Variants in MYO10 observed in about 807,000 individuals in gnomAD.
MYO10 encodes the protein unconventional myosin-X.
MYO10 carries 133 observed loss-of-function variants against 257.3 expected under a neutral mutation model. The ratio of observed to expected loss-of-function variants is 0.52; its 90% CI spans 0.45 to 0.60. MYO10 has a LOEUF of 0.60. MYO10 is among the 20% of genes least tolerant of loss of function. MYO10 has a pLI of 0.00. For missense variants in MYO10, 2,399 were observed against 2,635.7 expected, an observed-to-expected ratio of 0.91 and a Z score of 1.97; for synonymous variants, 1,104 against 1,028.6, an observed-to-expected ratio of 1.07 and a Z score of -1.40.
Position 16,762,115 on chromosome 5 carries a change from T to TAAAAAAAA in MYO10, c.1588-10_1588-3dup, listed in dbSNP as rs746751894. On this transcript the variant is annotated splice_polypyrimidine_tract_variant and splice_region_variant and intron_variant, in intron 15 of 40. Transcript: ENST00000513610. The stretch of plus-strand genomic sequence containing the variant: ...GGGCTTCACATAAAAGTGGTTATTC[T>TAAAAAAAA]AAAAAAAAAAAAAAAAAAAAAAAAA... 130 of 567,552 alleles carry TAAAAAAAA rather than the reference T, an allele frequency of 2.3e-4. 1 individual carries two copies. The African/African-American group carries it at 2.4e-3, about 11-fold the overall frequency. 35.2% of individuals were successfully genotyped at this position (567,552 alleles called of 1,614,324 possible). A position where few individuals can be genotyped will look rare whatever the true frequency, so the allele number is the denominator to read the frequency against.
intron 19 of MYO10, among the ~76,000 whole-genome samples, chr5:16,735,720 G>T (rs1319859329): frequency 6.7e-6 from 1 of 150,028 alleles, no homozygotes; most frequent in African/African-American, 2.4e-5. Flanking sequence ...CCCAGAAAAT[G>T]CTATTATGAC....
chr5:16,763,640 T>G lies in MYO10; in HGVS notation c.1427+15A>C. 1 of 1,590,574 alleles carries G rather than the reference T, an allele frequency of 6.3e-7. No homozygotes were observed. Among genetic ancestry groups the G allele is most frequent in the South Asian group, 1.1e-5 (1 of 90,216 alleles). ...TTAAAAAAAAAAATTGAAATGGAAT[T>G]CTATGAGTGCTTACCGGCTATATTC... On this transcript the variant is annotated intron_variant, in intron 13 of 40. Coordinates refer to ENST00000513610, the MANE Select transcript of MYO10 (RefSeq NM_012334.3).
chr5:16,682,921 G>T (rs1004132613), intron 30 of MYO10, among the ~76,000 whole-genome samples: 1 of 152,184 alleles, frequency 6.6e-6, no homozygotes, highest in Non-Finnish European at 1.5e-5. Context: ...CAGCCTGGAG[G>T]AGTGAAGGGC....
In MYO10 at chr5:16,707,885, C is replaced by G. The variant is rs560760633; in HGVS notation, c.2169+3023G>C. ...TTTGGATAAGTCAGCCAGTTCAGAC[C>G]TGGAGCCATGTCTAATTCGCTGCCT... On this transcript the variant is annotated intron_variant, in intron 21 of 40. Coordinates refer to ENST00000513610, the MANE Select transcript of MYO10 (RefSeq NM_012334.3). Among the ~76,000 whole-genome samples the G allele has an allele frequency of 9.8e-5, 15 of 152,326 alleles. No homozygotes were observed. The East Asian group carries it at 2.9e-3, about 29-fold the overall frequency.
chr5:16,769,480 G>A (rs112145510), intron 9 of MYO10, among the ~76,000 whole-genome samples: 2,980 of 152,260 alleles, frequency 0.02, 51 homozygotes, highest in Non-Finnish European at 0.03. Context: ...GATTACAGGT[G>A]TGTGCCACCA....
chr5:16,832,969 C>G (rs1743202784), intron 2 of MYO10, among the ~76,000 whole-genome samples: 1 of 152,078 alleles, frequency 6.6e-6, no homozygotes, highest in South Asian at 2.1e-4. Flanking sequence ...CAGATAATAA[C>G]ACAATCTAGA....
intron 19 of MYO10, among the ~76,000 whole-genome samples, chr5:16,741,290 GA>G (rs1740009511): frequency 2.6e-5 from 4 of 152,290 alleles, no homozygotes; most frequent in Admixed American, 6.5e-5. Context: ...ATATTCAACA[GA>G]TGACCATTCA....
At chr5:16,761,907 C>T in intron 16 of MYO10, 138 bp downstream of exon 16, 1 of 861,082 alleles carries the variant, frequency 1.2e-6, no homozygotes, top group Non-Finnish European at 1.7e-6. Context: ...CCTGCCTCAG[C>T]CTCCCAAAGT....
chr5:16,788,308 C>T lies in MYO10; in HGVS notation c.468-4839G>A, dbSNP rs929326491. ...AGGCATCAGGGATGACTCCTGGGGC[C>T]CCTGAGTGTTTGCTGGCGTGATGAT... On this transcript the variant is annotated intron_variant, in intron 4 of 40. Transcript: ENST00000513610. 2.6e-5 allele frequency among the ~76,000 whole-genome samples: 4 copies of T among 152,090 alleles called. No homozygotes were observed. The East Asian group carries it at 7.7e-4, about 29-fold the overall frequency.
intron 19 of MYO10, among the ~76,000 whole-genome samples, chr5:16,735,698 A>AAC (rs1554040859): frequency 5.1e-4 from 77 of 150,138 alleles, no homozygotes; most frequent in East Asian, 1.6e-3. Flanking sequence ...AAAAAAAAAA[A>AAC]AAAAACCCAA....
intron 33 of MYO10, 126 bp from the exon 34 acceptor site, chr5:16,676,280 G>C: frequency 8.8e-7 from 1 of 1,136,478 alleles, no homozygotes; most frequent in Non-Finnish European, 1.2e-6. Flanking sequence ...GTGTTAGGTG[G>C]TTTCATGGAC....
Position 16,748,487 on chromosome 5 carries a change from C to T in MYO10, c.1929+6341G>A, listed in dbSNP as rs367850825. Among the ~76,000 whole-genome samples the T allele has an allele frequency of 6.6e-5, 10 of 150,544 alleles. No individual in the cohort carries two copies. The South Asian group carries it at 8.5e-4, about 13-fold the overall frequency. On this transcript the variant is annotated intron_variant, in intron 19 of 40. Coordinates refer to ENST00000513610, the MANE Select transcript of MYO10 (RefSeq NM_012334.3). Reference sequence around the variant, plus strand: ...CTCGAACTCCTGGCCTCAAGTGATCCGCGCCCCCCCGCCCCCCATCAGCCT... The same window carrying T: ...CTCGAACTCCTGGCCTCAAGTGATCTGCGCCCCCCCGCCCCCCATCAGCCT...
intron 9 of MYO10, among the ~76,000 whole-genome samples, chr5:16,777,839 C>CCTTTTTTTTTTTTTTTTTTTTTTT (rs1560979466): frequency 5.7e-5 from 5 of 88,482 alleles, no homozygotes; most frequent in African/African-American, 2.1e-4. Context: ...TTGCATCTAA[C>CCTTTTTTTTTTTTTTTTTTTTTTT]TTTTTTTTTT....
At chr5:16,760,588 A>C (rs747146762) in intron 17 of MYO10, among the ~76,000 whole-genome samples, 8 of 152,146 alleles carry the variant, frequency 5.3e-5, no homozygotes, top group Non-Finnish European at 7.3e-5. Context: ...TTTATAATTC[A>C]TGAACGAATA....
intron 2 of MYO10, among the ~76,000 whole-genome samples, chr5:16,846,531 A>G (rs1167812104): frequency 6.6e-6 from 1 of 152,204 alleles, no homozygotes; most frequent in East Asian, 1.9e-4. Context: ...TTCAAAGGCT[A>G]TATTATCTTG....
rs753295751 is a variant in MYO10 at position 16,701,121 on chromosome 5, C to T, written c.3274G>A (p.Asp1092Asn). The T allele has an allele frequency of 3.3e-5, 53 of 1,593,728 alleles. No homozygotes were observed. Among genetic ancestry groups the T allele is most frequent in the Non-Finnish European group, 3.7e-5 (43 of 1,170,648 alleles). ...GCACCGTCCTCATAGTCATCCTGGT[C>T]GTAGTCGTAGTCGCCGTCTGGGGAG... is the stretch of plus-strand genomic sequence containing the variant. Reference protein sequence around the residue: ...LPSPDGDYDYDQDDYEDGAIT... With the variant: ...LPSPDGDYDYNQDDYEDGAIT... Residue 1092 changes from aspartate (D) to asparagine (N), a missense_variant, in exon 25 of 41, where the codon GAC (aspartate) becomes AAC (asparagine). Coordinates refer to ENST00000513610, the MANE Select transcript of MYO10 (RefSeq NM_012334.3). This position sits in a 1 kb window ranked among gnomAD's most constrained non-coding sequence, Gnocchi z 8.1.
At chr5:16,876,468 T>C (rs1158519938) in intron 2 of MYO10, among the ~76,000 whole-genome samples, 1 of 152,180 alleles carries the variant, frequency 6.6e-6, no homozygotes, top group Non-Finnish European at 1.5e-5. Context: ...CTTCAGTGAT[T>C]TAGTCAGTCT....
chr5:16,927,518 G>T (rs1369201826), intron 1 of MYO10, among the ~76,000 whole-genome samples: 1 of 152,086 alleles, frequency 6.6e-6, no homozygotes, highest in Non-Finnish European at 1.5e-5. Context: ...TAGAGACGGG[G>T]TTTCACCATG....
intron 19 of MYO10, among the ~76,000 whole-genome samples, chr5:16,725,442 C>T (rs901572374): frequency 1.3e-5 from 2 of 152,034 alleles, no homozygotes; most frequent in African/African-American, 4.8e-5. Flanking sequence ...ATAGCAACTA[C>T]CCAGCCCTTG....
Sources: allele counts gnomAD v4.1 joint callset (sites outside exome capture counted in the v4.1 genomes callset), GRCh38; gene constraint gnomAD v4.1.1; non-coding constraint Gnocchi (gnomAD v3.1); transcripts MANE v1.5; gene names NCBI Gene and HGNC (gene_info 2026-07-23, HGNC 2026-07-21).